The following SHC4 variants were observed in gnomAD, a reference collection of about 807,000 sequenced individuals.
SHC4 encodes the protein SHC-transforming protein 4.
A neutral mutation model predicts 69.4 loss-of-function variants in SHC4; 41 were observed. The ratio of observed to expected loss-of-function variants is 0.59; its 90% CI spans 0.46 to 0.77. The LOEUF is 0.77. Among genes scored for constraint, SHC4 ranks in the 30% least tolerant of loss-of-function variants. The pLI, the probability that SHC4 is intolerant of heterozygous loss-of-function variation, is 0.00. For missense variants in SHC4, 777 were observed against 783.8 expected (o/e 0.99, Z 0.10); for synonymous variants, 318 against 299.3 (o/e 1.06, Z -0.64).
intron 7 of SHC4, among the ~76,000 whole-genome samples, chr15:48,856,924 G>T (rs1358053282): frequency 6.6e-6 from 1 of 152,088 alleles, no homozygotes; most frequent in African/African-American, 2.4e-5. Context: ...TCAGCATCAA[G>T]GCCTCCTGGT....
intron 1 of SHC4, among the ~76,000 whole-genome samples, chr15:48,959,976 A>G (rs144036231): frequency 3.9e-5 from 6 of 152,328 alleles, no homozygotes; most frequent in African/African-American, 1.4e-4. Context: ...ATAACTTCTG[A>G]GTCTTCCGTC....
chr15:48,934,553 A>G (rs940904766), intron 1 of SHC4, among the ~76,000 whole-genome samples: 2 of 152,210 alleles, frequency 1.3e-5, no homozygotes, highest in African/African-American at 2.4e-5. Context: ...TCAAACAGTT[A>G]AACATAGAAT....
chr15:48,954,403 C>T (rs956066082), intron 1 of SHC4, among the ~76,000 whole-genome samples: 2 of 152,210 alleles, frequency 1.3e-5, no homozygotes, highest in African/African-American at 4.8e-5. Flanking sequence ...GCCCCAGCCT[C>T]AGACATTCTG....
In SHC4 at chr15:48,963,145, C is replaced by G. The variant is rs1270148166; in HGVS notation, c.-130G>C. On this transcript the variant is annotated 5_prime_UTR_variant, in exon 1 of 12. Transcript: ENST00000332408. ...GCAGCCACCTCTCCAACTCTGCTCT[C>G]GAGCTCGCCCACCTCGGCTCCCGGC... is the stretch of plus-strand genomic sequence containing the variant. 19 of 970,322 alleles carry G rather than the reference C, an allele frequency of 2.0e-5. No individual in the cohort carries two copies. In the East Asian group the frequency reaches 2.8e-4, roughly 14 times the overall value. 60.1% of individuals were successfully genotyped at this position (970,322 alleles called of 1,614,324 possible).
In SHC4 at chr15:48,825,029, A is replaced by C. The variant is rs899546064; in HGVS notation, c.*942T>G. On this transcript the variant is annotated 3_prime_UTR_variant, in exon 12 of 12. Coordinates refer to ENST00000332408, the MANE Select transcript of SHC4 (RefSeq NM_203349.4). ...ATTCAGTGTCAGCCAATCAAGAAGAAATTTTACTATAATTTCAAATAGATT... is the reference window on the plus strand; with the variant it reads ...ATTCAGTGTCAGCCAATCAAGAAGACATTTTACTATAATTTCAAATAGATT... The C allele has an allele frequency of 1.4e-4, 21 of 152,752 alleles. No homozygotes were observed. Among genetic ancestry groups the C allele is most frequent in the African/African-American group, 5.1e-4 (21 of 41,570 alleles). 9.5% of individuals were successfully genotyped at this position (152,752 alleles called of 1,614,324 possible).
rs1898647607 is a variant in SHC4 at position 48,824,241 on chromosome 15, T to C, written c.*1730A>G. ...AAATTAATGGCAGTAGAAATAAAAA[T>C]CATAAGCCTTTACAGTAAAATATTA... is the stretch of plus-strand genomic sequence containing the variant. On this transcript the variant is annotated 3_prime_UTR_variant, in exon 12 of 12. Coordinates refer to ENST00000332408, the MANE Select transcript of SHC4 (RefSeq NM_203349.4). The C allele has an allele frequency of 6.6e-6, 1 of 152,174 alleles. No homozygotes were observed. Among genetic ancestry groups the C allele is most frequent in the Admixed American group, 6.5e-5 (1 of 15,280 alleles). 9.4% of individuals were successfully genotyped at this position (152,174 alleles called of 1,614,324 possible).
chr15:48,922,063 GAAAAT>G (rs1359031550), intron 2 of SHC4, among the ~76,000 whole-genome samples: 1 of 152,058 alleles, frequency 6.6e-6, no homozygotes, highest in African/African-American at 2.4e-5. Context: ...TTTATAACTA[GAAAAT>G]AAAATAAAAT....
chr15:48,920,843 G>A (rs534564771), intron 2 of SHC4, among the ~76,000 whole-genome samples: 2 of 152,070 alleles, frequency 1.3e-5, no homozygotes, highest in East Asian at 3.9e-4. Flanking sequence ...CAGCACTTTG[G>A]AAGTCTGAGG....
chr15:48,867,913 T>C, intron 5 of SHC4, 44 bp from the exon 6 acceptor site: 1 of 1,501,424 alleles, frequency 6.7e-7, no homozygotes, highest in African/African-American at 1.4e-5. Context: ...GGATGAACTG[T>C]ACTGTTGAAA....
chr15:48,881,375 CAAA>C (rs34708269), intron 4 of SHC4, among the ~76,000 whole-genome samples: 8 of 109,042 alleles, frequency 7.3e-5, no homozygotes, highest in African/African-American at 1.7e-4. Flanking sequence ...AAAAACAAAG[CAAA>C]AAAAAAAAAA....
At chr15:48,954,407 C>G (rs987473244) in intron 1 of SHC4, among the ~76,000 whole-genome samples, 2 of 152,204 alleles carry the variant, frequency 1.3e-5, no homozygotes, top group Non-Finnish European at 2.9e-5. Context: ...CAGCCTCAGA[C>G]ATTCTGGTCC....
chr15:48,938,479 G>T (rs1269775495), intron 1 of SHC4: 1 of 152,086 alleles, frequency 6.6e-6, no homozygotes, highest in Non-Finnish European at 1.5e-5. Flanking sequence ...TATTGTGGGA[G>T]TCATTAGTAC....
At chr15:48,894,905 A>C (rs1032804994) in intron 2 of SHC4, among the ~76,000 whole-genome samples, 4 of 151,664 alleles carry the variant, frequency 2.6e-5, no homozygotes, top group African/African-American at 9.7e-5. Context: ...TCCCACCTCA[A>C]CCTCCCCTGT....
intron 7 of SHC4, 112 bp downstream of exon 7, chr15:48,857,576 ATTAG>A: frequency 1.1e-6 from 1 of 946,556 alleles, no homozygotes; most frequent in Non-Finnish European, 1.4e-6. Flanking sequence ...TACTAATTTT[ATTAG>A]TTCATTTTAA....
In SHC4 at chr15:48,872,814, T is replaced by A. The variant is rs137924541; in HGVS notation, c.841-672A>T. On this transcript the variant is annotated intron_variant, in intron 4 of 11. Coordinates refer to ENST00000332408, the MANE Select transcript of SHC4 (RefSeq NM_203349.4). Reference sequence around the variant, plus strand: ...ATTAGCTAAGAAGATTGTCTTCTATTTGAGAGTCTAGGATTGCTTGTTTGC... The same window carrying A: ...ATTAGCTAAGAAGATTGTCTTCTATATGAGAGTCTAGGATTGCTTGTTTGC... 1.0e-3 allele frequency among the ~76,000 whole-genome samples: 158 copies of A among 152,308 alleles called. 4 individuals carry two copies. The East Asian group carries it at 0.03, about 29-fold the overall frequency.
At position 48,856,128 on chromosome 15, in the gene SHC4, T is replaced by C. The variant is rs377499179; in HGVS notation, c.1071-4A>G. ...GCTATCAATATGCACCTCCTCACTG[T>C]GAAGGAAAAAAGAATCCTCAAGAGG... On this transcript the variant is annotated splice_region_variant and splice_polypyrimidine_tract_variant and intron_variant, in intron 7 of 11. Coordinates refer to ENST00000332408, the MANE Select transcript of SHC4 (RefSeq NM_203349.4). The C allele has an allele frequency of 3.7e-6, 6 of 1,606,526 alleles. No homozygotes were observed. Among genetic ancestry groups the C allele is most frequent in the Non-Finnish European group, 5.1e-6 (6 of 1,176,682 alleles).
At chr15:48,917,492 A>G (rs1900647861) in intron 2 of SHC4, among the ~76,000 whole-genome samples, 1 of 152,098 alleles carries the variant, frequency 6.6e-6, no homozygotes. Flanking sequence ...TGCGGCTAGG[A>G]AACTTTGTTT....
At chr15:48,859,364 C>T (rs1462333235) in intron 6 of SHC4, among the ~76,000 whole-genome samples, 2 of 149,868 alleles carry the variant, frequency 1.3e-5, no homozygotes, top group African/African-American at 4.9e-5. Context: ...GGTGGTATTA[C>T]TAAATCAAAC....
chr15:48,831,858 T>C (rs1415989057), intron 11 of SHC4, among the ~76,000 whole-genome samples: 1 of 152,258 alleles, frequency 6.6e-6, no homozygotes, highest in African/African-American at 2.4e-5. Flanking sequence ...ATGTTACTGT[T>C]TGGTATCCTT....
Sources: gnomAD v4.1 joint callset for allele counts (sites outside exome capture counted in the v4.1 genomes callset) on GRCh38, gnomAD v4.1.1 for gene constraint, MANE v1.5 for transcripts, NCBI Gene and HGNC (gene_info 2026-07-23, HGNC 2026-07-21) for gene names.